The following TBPL2 variants were observed in gnomAD, a reference collection of about 807,000 sequenced individuals.
TBPL2 encodes the protein TATA box-binding protein-like 2.
A neutral mutation model predicts 38.2 loss-of-function variants in TBPL2; 40 were observed. That is an observed-to-expected ratio of 1.05 (90% confidence interval 0.81 to 1.36). The LOEUF is 1.36. Ranked by LOEUF, TBPL2 falls within the 40% of genes most tolerant of loss-of-function variation. TBPL2 has a pLI of 0.00. For synonymous variants in TBPL2, 169 were observed against 171.7 expected (o/e 0.98, Z 0.12); for missense variants, 461 against 456.7 (o/e 1.01, Z -0.09).
Position 55,436,544 on chromosome 14 carries a change from C to T in TBPL2, c.608+17G>A. Reference sequence around the variant, plus strand: ...GTGTACCCAATGTGCTCAATTAAAACAAAAATAAAAACTTACTGTAGTTGA... The same window carrying T: ...GTGTACCCAATGTGCTCAATTAAAATAAAAATAAAAACTTACTGTAGTTGA... On this transcript the variant is annotated intron_variant, in intron 2 of 6. Transcript: ENST00000247219. The T allele has an allele frequency of 1.2e-6, 2 of 1,607,296 alleles. No individual in the cohort carries two copies. The highest frequency in any genetic ancestry group is 1.7e-6 in the Non-Finnish European group (2 of 1,174,616).
intron 6 of TBPL2, among the ~76,000 whole-genome samples, chr14:55,415,649 G>C (rs1885657212): frequency 6.6e-6 from 1 of 152,150 alleles, no homozygotes; most frequent in African/African-American, 2.4e-5. Context: ...TGGATCACCT[G>C]AGGTCAGGAG....
chr14:55,437,155 A>T (rs902969760), intron 1 of TBPL2, 137 bp from the exon 2 acceptor site: 1 of 733,322 alleles, frequency 1.4e-6, no homozygotes, highest in African/African-American at 1.8e-5. Flanking sequence ...GTATTCATGC[A>T]CTGCTTTTTT....
intron 1 of TBPL2, 96 bp downstream of exon 1, chr14:55,440,300 G>A (rs953419930): frequency 1.4e-6 from 2 of 1,453,794 alleles, no homozygotes; most frequent in African/African-American, 1.4e-5. Context: ...GCCTCTTATG[G>A]TCGCTATGAG....
Position 55,428,886 on chromosome 14 carries a change from G to T in TBPL2, c.877C>A (p.Gln293Lys), listed in dbSNP as rs966558164. 4 of 1,614,158 alleles carry T rather than the reference G, an allele frequency of 2.5e-6. No individual in the cohort carries two copies. The Admixed American group carries it at 5.0e-5, about 20-fold the overall frequency. The change falls in exon 5 of 7, where the codon CAG becomes AAG. Residue 293 changes from glutamine to lysine, a missense_variant. Gln to Lys is a moderately conservative substitution (Grantham distance 53). Coordinates refer to ENST00000247219, the Ensembl canonical transcript of TBPL2. ...ACATCACAGCTTCCAACCATGTTCT[G>T]AATTTTAAAATCGAGGAATCTGGCA...
intron 4 of TBPL2, among the ~76,000 whole-genome samples, chr14:55,429,283 G>C (rs1273595700): frequency 6.6e-6 from 1 of 152,234 alleles, no homozygotes; most frequent in African/African-American, 2.4e-5. Context: ...TTCGCAAAGT[G>C]TGTCCCCAGA....
Position 55,422,508 on chromosome 14 carries a change from C to T in TBPL2, c.1051+1651G>A, listed in dbSNP as rs138450122. On this transcript the variant is annotated intron_variant, in intron 6 of 6. Coordinates refer to ENST00000247219, the Ensembl canonical transcript of TBPL2. Reference sequence around the variant, plus strand: ...TCATAATTCGCCTGCCTCGGCCTCCCGAAGTGCTAGGATTACAGGCGTGAG... The same window carrying T: ...TCATAATTCGCCTGCCTCGGCCTCCTGAAGTGCTAGGATTACAGGCGTGAG... Among the ~76,000 whole-genome samples, 411 of 152,244 alleles carry T rather than the reference C, an allele frequency of 2.7e-3. 2 individuals are homozygous for T. Among genetic ancestry groups the T allele is most frequent in the African/African-American group, 9.0e-3 (372 of 41,548 alleles).
chr14:55,436,605 T>C, exon 2 of TBPL2: 2 of 1,614,206 alleles, frequency 1.2e-6, no homozygotes, highest in Non-Finnish European at 1.7e-6. Flanking sequence ...TAGGGGTCAT[T>C]GGTGTCATGG....
intron 1 of TBPL2, chr14:55,438,709 C>T (rs1011438165): frequency 6.6e-6 from 1 of 152,180 alleles, no homozygotes; most frequent in African/African-American, 2.4e-5. Flanking sequence ...TGTAGTGACT[C>T]TCCTCAGAAC....
chr14:55,428,203 C>T (rs1885862872), intron 5 of TBPL2, among the ~76,000 whole-genome samples: 1 of 136,230 alleles, frequency 7.3e-6, no homozygotes, highest in Non-Finnish European at 1.5e-5. Context: ...GAGGTCGGCT[C>T]ACTGCAAGCT....
chr14:55,415,998 G>A (rs993134515), intron 6 of TBPL2, among the ~76,000 whole-genome samples: 2 of 152,128 alleles, frequency 1.3e-5, no homozygotes, highest in Admixed American at 6.5e-5. Context: ...AAAGTCACAT[G>A]TTATAAGATT....
At chr14:55,417,362 C>A (rs528534316) in intron 6 of TBPL2, among the ~76,000 whole-genome samples, 23 of 148,846 alleles carry the variant, frequency 1.5e-4, no homozygotes, top group African/African-American at 5.2e-4. Flanking sequence ...TTTAAGGGAA[C>A]CTAAATTGGC....
At chr14:55,435,981 A>AAT in intron 2 of TBPL2, 47 bp from the exon 3 acceptor site, 1 of 503,908 alleles carries the variant, frequency 2.0e-6, no homozygotes, top group Non-Finnish European at 2.8e-6. Context: ...TATAAAGAGT[A>AAT]AAAAAAAAAA....
chr14:55,420,453 G>A (rs566105074), intron 6 of TBPL2, among the ~76,000 whole-genome samples: 2 of 152,340 alleles, frequency 1.3e-5, no homozygotes, highest in Admixed American at 6.5e-5. Context: ...CCTAAACTGC[G>A]TAGCTCTAGG....
chr14:55,432,004 A>C (rs1305235575), intron 4 of TBPL2, among the ~76,000 whole-genome samples: 1 of 152,260 alleles, frequency 6.6e-6, no homozygotes, highest in Admixed American at 6.5e-5. Context: ...ATGAAAGTCA[A>C]TATTTGTATA....
At chr14:55,420,775 G>A (rs1389743161) in intron 6 of TBPL2, among the ~76,000 whole-genome samples, 1 of 152,080 alleles carries the variant, frequency 6.6e-6, no homozygotes, top group Non-Finnish European at 1.5e-5. Context: ...AAAGAAATTT[G>A]GGGGTTGGGT....
intron 1 of TBPL2, among the ~76,000 whole-genome samples, chr14:55,437,626 G>C (rs573435336): frequency 9.8e-5 from 15 of 152,342 alleles, no homozygotes; most frequent in Non-Finnish European, 1.3e-4. Context: ...TTTTGCAATA[G>C]AGGCAATTGA....
intron 6 of TBPL2, among the ~76,000 whole-genome samples, chr14:55,422,775 C>T (rs1885764405): frequency 6.6e-6 from 1 of 152,000 alleles, no homozygotes; most frequent in Non-Finnish European, 1.5e-5. Context: ...ATCACTTGAA[C>T]GCTGGAGGTG....
chr14:55,430,427 A>G (rs1885907721), intron 4 of TBPL2, among the ~76,000 whole-genome samples: 1 of 137,914 alleles, frequency 7.3e-6, no homozygotes, highest in Non-Finnish European at 1.6e-5. Context: ...AAAAAAAGAG[A>G]TTGGGTTTTT....
intron 4 of TBPL2, among the ~76,000 whole-genome samples, chr14:55,432,515 T>C (rs968600120): frequency 1.7e-4 from 23 of 138,432 alleles, no homozygotes; most frequent in African/African-American, 7.2e-4. Flanking sequence ...ATGGTGAAAA[T>C]AGTTAACAAA....
Sources: allele counts gnomAD v4.1 joint callset (sites outside exome capture counted in the v4.1 genomes callset), GRCh38; gene constraint gnomAD v4.1.1; transcripts MANE v1.5; gene names NCBI Gene and HGNC (gene_info 2026-07-23, HGNC 2026-07-21).